Variants in AKAP8L observed in about 807,000 individuals in gnomAD.
The protein encoded by AKAP8L is A-kinase anchor protein 8-like.
AKAP8L carries 34 observed loss-of-function variants against 77.5 expected under a neutral mutation model. The observed-to-expected ratio is 0.44, with a 90% CI of 0.33 to 0.58. AKAP8L has a LOEUF of 0.58. Ranked by LOEUF, AKAP8L falls within the 20% of genes least tolerant of loss-of-function variation. The pLI, the probability that AKAP8L is intolerant of heterozygous loss-of-function variation, is 0.02. For missense variants in AKAP8L, 806 were observed against 887.6 expected (o/e 0.91, Z 1.17); for synonymous variants, 342 against 340.7 (o/e 1.00, Z -0.04).
chr19:15,385,135 G>T (rs1967504458), intron 12 of AKAP8L, among the ~76,000 whole-genome samples: 1 of 152,100 alleles, frequency 6.6e-6, no homozygotes, highest in Admixed American at 6.5e-5. Context: ...CCACCACCAC[G>T]CCCGGCTAAT....
chr19:15,411,828 T>A (rs571914304), intron 1 of AKAP8L, among the ~76,000 whole-genome samples: 2 of 150,668 alleles, frequency 1.3e-5, no homozygotes, highest in Admixed American at 6.6e-5. Flanking sequence ...CAAGGGGGGG[T>A]GGACTGGTTG....
intron 12 of AKAP8L, among the ~76,000 whole-genome samples, chr19:15,385,622 CAG>C (rs1292149805): frequency 6.6e-6 from 1 of 152,054 alleles, no homozygotes; most frequent in East Asian, 1.9e-4. Flanking sequence ...TTTTTTGAGA[CAG>C]AGTCTTGCTC....
chr19:15,416,764 CCT>C (rs1968214888), intron 1 of AKAP8L, among the ~76,000 whole-genome samples: 1 of 152,194 alleles, frequency 6.6e-6, no homozygotes, highest in Non-Finnish European at 1.5e-5. Context: ...CTCCTCTTCC[CCT>C]CTCAGTGCTA....
chr19:15,400,911 AG>A (rs1158387069), intron 6 of AKAP8L, 35 bp downstream of exon 6: 1 of 1,613,938 alleles, frequency 6.2e-7, no homozygotes, highest in Admixed American at 1.7e-5. Flanking sequence ...TCCCAGAGGC[AG>A]GGGGCAGCCG....
intron 12 of AKAP8L, among the ~76,000 whole-genome samples, chr19:15,392,459 T>G (rs1238305305): frequency 1.3e-5 from 2 of 151,594 alleles, no homozygotes; most frequent in Admixed American, 1.3e-4. Context: ...ATGGTGCCAC[T>G]GCACTCCAGC....
chr19:15,397,089 C>T lies in AKAP8L; in HGVS notation c.1536+61G>A. ...CTGGCAGAGGTTCCAACTGCACAACCTCCCCAGAGGCCTCACTCAATCTAC... is the reference window on the plus strand; with the variant it reads ...CTGGCAGAGGTTCCAACTGCACAACTTCCCCAGAGGCCTCACTCAATCTAC... On this transcript the variant is annotated intron_variant, in intron 12 of 13. Transcript: ENST00000397410. This position sits in a 1 kb window ranked among gnomAD's most constrained non-coding sequence, Gnocchi z 4.7. The T allele has an allele frequency of 6.3e-7, 1 of 1,597,918 alleles. No homozygotes were observed. The highest frequency in any genetic ancestry group is 8.6e-7 in the Non-Finnish European group (1 of 1,169,276).
At chr19:15,394,669 A>C (rs186966844) in intron 12 of AKAP8L, among the ~76,000 whole-genome samples, 4 of 152,120 alleles carry the variant, frequency 2.6e-5, no homozygotes, top group South Asian at 2.1e-4. Flanking sequence ...TTGGCTTCCC[A>C]AAGTGCTGGG....
intron 2 of AKAP8L, 119 bp from the exon 3 acceptor site, chr19:15,404,161 C>T (rs773670068): frequency 1.4e-5 from 14 of 1,034,800 alleles, no homozygotes; most frequent in Non-Finnish European, 2.0e-5. Context: ...CTCCCCTAAC[C>T]GAGAAGCCTT....
chr19:15,381,697 T>A (rs1967421951), intron 12 of AKAP8L, among the ~76,000 whole-genome samples: 1 of 151,990 alleles, frequency 6.6e-6, no homozygotes, highest in Non-Finnish European at 1.5e-5. Context: ...CACAATAAAC[T>A]AAAGATACAC....
At chr19:15,400,389 G>A in intron 7 of AKAP8L, 31 bp from the exon 8 acceptor site, 1 of 1,567,878 alleles carries the variant, frequency 6.4e-7, no homozygotes, top group Non-Finnish European at 8.6e-7. Flanking sequence ...CTTTAAAACA[G>A]GTGCCTTTTT....
intron 1 of AKAP8L, among the ~76,000 whole-genome samples, chr19:15,417,862 C>T (rs941771628): frequency 1.3e-5 from 2 of 152,332 alleles, no homozygotes; most frequent in South Asian, 4.1e-4. Context: ...ACTGCCAAGG[C>T]AAACCCAGGA....
At chr19:15,390,196 G>A (rs1326019354) in intron 12 of AKAP8L, among the ~76,000 whole-genome samples, 2 of 151,914 alleles carry the variant, frequency 1.3e-5, no homozygotes, top group African/African-American at 2.4e-5. Context: ...CAGGCAGATC[G>A]CTTGAGTCCA....
chr19:15,380,805 CA>C, intron 12 of AKAP8L, 193 bp from the exon 13 acceptor site: 1 of 600,558 alleles, frequency 1.7e-6, no homozygotes. Context: ...TCTCCTTCCA[CA>C]CCACACTTAC....
At position 15,398,214 on chromosome 19, in the gene AKAP8L, G is replaced by A. The variant is rs1026143193; in HGVS notation, c.1158-359C>T. 1.3e-5 allele frequency: 4 copies of A among 312,860 alleles called. No individual in the cohort carries two copies. The highest frequency in any genetic ancestry group is 7.2e-5 in the East Asian group (1 of 13,866). 19.4% of individuals were successfully genotyped at this position (312,860 alleles called of 1,614,324 possible). ...TGTGCACTTGGCCCAGGTGGGGACC[G>A]GAAGGAAGGATGCCCTGGCGTGAGC... On this transcript the variant is annotated intron_variant, in intron 9 of 13. Transcript: ENST00000397410. This position sits in a 1 kb window ranked among gnomAD's most constrained non-coding sequence, Gnocchi z 9.2.
At chr19:15,390,422 A>T (rs79077914) in intron 12 of AKAP8L, among the ~76,000 whole-genome samples, 1 of 150,432 alleles carries the variant, frequency 6.6e-6, no homozygotes. Flanking sequence ...CTGTCTCAAA[A>T]AAAAAAAAAA....
At chr19:15,382,784 T>C (rs753817923) in intron 12 of AKAP8L, among the ~76,000 whole-genome samples, 2 of 152,202 alleles carry the variant, frequency 1.3e-5, no homozygotes, top group Non-Finnish European at 2.9e-5. Flanking sequence ...TAGTGTGCAA[T>C]GATTTCACTT....
intron 12 of AKAP8L, among the ~76,000 whole-genome samples, chr19:15,391,060 C>T (rs571619319): frequency 2.6e-5 from 4 of 152,014 alleles, no homozygotes; most frequent in Admixed American, 6.6e-5. Context: ...CTAACCAGGG[C>T]AATTAGGTAA....
chr19:15,386,536 C>T (rs1330959005), intron 12 of AKAP8L, among the ~76,000 whole-genome samples: 1 of 152,148 alleles, frequency 6.6e-6, no homozygotes, highest in Non-Finnish European at 1.5e-5. Flanking sequence ...ATCCCTGCCT[C>T]CCCCAGCTTA....
rs756912264 is a variant in AKAP8L at position 15,403,784 on chromosome 19, A to G, written c.122-69T>C. 264 of 1,278,278 alleles carry G rather than the reference A, an allele frequency of 2.1e-4. 2 individuals are homozygous for G. In the South Asian group the frequency reaches 2.6e-3, roughly 12 times the overall value. The allele number at this position is 1,278,278 out of a possible 1,614,324, so 79.2% of individuals were successfully genotyped here. A position where few individuals can be genotyped will look rare whatever the true frequency, so the allele number is the denominator to read the frequency against. On this transcript the variant is annotated intron_variant, in intron 3 of 13. Transcript: ENST00000397410. The surrounding 1 kb of genome is among the most constrained non-coding windows in gnomAD (Gnocchi z 4.3). ...AGAGGGGAGGCAGACAGAGACAGAG[A>G]CAAACACAGATACAAGGGTATCTTC...
Sources: gnomAD v4.1 joint callset for allele counts (sites outside exome capture counted in the v4.1 genomes callset) on GRCh38, gnomAD v4.1.1 for gene constraint, Gnocchi (gnomAD v3.1) non-coding constraint, MANE v1.5 for transcripts, NCBI Gene and HGNC (gene_info 2026-07-23, HGNC 2026-07-21) for gene names.